CD5: variants seen among roughly 807,000 people sequenced by gnomAD.
CD5 encodes T-cell surface glycoprotein CD5.
CD5 carries 36 observed loss-of-function variants against 60.3 expected under a neutral mutation model. The observed-to-expected ratio is 0.60, with a 90% CI of 0.46 to 0.79. CD5 has a LOEUF of 0.79. Among genes scored for constraint, CD5 ranks in the 30% least tolerant of loss-of-function variants. CD5 has a pLI of 0.00. For synonymous variants in CD5, 230 were observed against 257.6 expected (o/e 0.89, Z 1.03); for missense variants, 540 against 630.6 (o/e 0.86, Z 1.54).
rs1861160762 is a variant in CD5 at position 61,127,251 on chromosome 11, C to T, written c.*966C>T. 1 of 152,238 alleles carries T rather than the reference C, an allele frequency of 6.6e-6. No homozygotes were observed. Among genetic ancestry groups the T allele is most frequent in the South Asian group, 2.1e-4 (1 of 4,832 alleles). 9.4% of individuals were successfully genotyped at this position (152,238 alleles called of 1,614,324 possible). A position where few individuals can be genotyped will look rare whatever the true frequency, so the allele number is the denominator to read the frequency against. ...ACCTAATCCCATGGGGCCTCGGCTT[C>T]CTTAACTGCAAGTGAGAAGAGGAGG... On this transcript the variant is annotated 3_prime_UTR_variant, in exon 11 of 11. Transcript: ENST00000347785.
In CD5 at chr11:61,118,114, G is replaced by T. The variant is rs1175664421; in HGVS notation, c.95-61G>T. The T allele has an allele frequency of 1.9e-6, 3 of 1,542,324 alleles. No homozygotes were observed. In the African/African-American group the frequency reaches 4.1e-5, roughly 21 times the overall value. On this transcript the variant is annotated intron_variant, in intron 2 of 10. Transcript: ENST00000347785. The surrounding 1 kb of genome is among the most constrained non-coding windows in gnomAD (Gnocchi z 4.7). ...CTGGGCGTCCTAGGGAGAGGGCAGT[G>T]AGGGGTGCCAGTGGGGAACCCCTCC...
At chr11:61,102,406 T>A, upstream of CD5, 1 of 611,536 alleles carries the variant, frequency 1.6e-6, no homozygotes. Context: ...ACTTCAAACA[T>A]GGGTGACGCA....
intron 1 of CD5, among the ~76,000 whole-genome samples, chr11:61,104,741 C>T (rs1860754260): frequency 6.6e-6 from 1 of 152,254 alleles, no homozygotes; most frequent in South Asian, 2.1e-4. Context: ...GCAAGCTTCA[C>T]AACAGCCAAT....
rs1426026848 is a variant in CD5 at position 61,119,426 on chromosome 11, G to A, written c.656G>A (p.Gly219Asp). Residue 219 changes from glycine to aspartate, a missense_variant, in exon 5 of 11, where the codon GGC becomes GAC. Transcript: ENST00000347785. Reference sequence around the variant, plus strand: ...AAGCATCTGCCAGAGACTGAGGCAGGCAGAGCCCAAGACCCAGGGGAGCCA... The same window carrying A: ...AAGCATCTGCCAGAGACTGAGGCAGACAGAGCCCAAGACCCAGGGGAGCCA... The part of the protein sequence containing the change: ...FLKHLPETEA[G>D]RAQDPGEPRE... The A allele has an allele frequency of 2.5e-6, 4 of 1,614,146 alleles. No individual in the cohort carries two copies. Among genetic ancestry groups the A allele is most frequent in the East Asian group, 2.2e-5 (1 of 44,882 alleles).
chr11:61,116,809 CACCACACACACAT>C (rs1345691734), intron 2 of CD5, among the ~76,000 whole-genome samples: 1 of 146,836 alleles, frequency 6.8e-6, no homozygotes, highest in East Asian at 2.1e-4. Context: ...ACACTACACA[CACCACACACACAT>C]ACAACACACA....
chr11:61,121,523 G>A (rs762430588), intron 5 of CD5, 88 bp from the exon 6 acceptor site: 16 of 1,171,778 alleles, frequency 1.4e-5, no homozygotes, highest in African/African-American at 6.3e-5. Flanking sequence ...CCAGGGCCCC[G>A]ATTTGCCAGT....
upstream of CD5, among the ~76,000 whole-genome samples, chr11:61,101,342 TCACACACATCAACATGGAGATCACA>T (rs1565181340): frequency 5.3e-4 from 19 of 35,668 alleles, no homozygotes; most frequent in Non-Finnish European, 9.0e-4. Flanking sequence ...GAGATCACAT[TCACACACATCAACATGGAGATCACA>T]CACACACATC....
intron 8 of CD5, among the ~76,000 whole-genome samples, chr11:61,124,279 A>T (rs1373933827): frequency 6.6e-6 from 1 of 152,180 alleles, no homozygotes; most frequent in Non-Finnish European, 1.5e-5. Flanking sequence ...GTGGATGTTA[A>T]CAGGCAGCAC....
At chr11:61,115,865 G>A (rs1452553069) in intron 2 of CD5, among the ~76,000 whole-genome samples, 1 of 152,196 alleles carries the variant, frequency 6.6e-6, no homozygotes, top group African/African-American at 2.4e-5. Flanking sequence ...TGACATCCTA[G>A]CTCCAAGCTT....
In CD5 at chr11:61,116,485, ACC is replaced by A. The variant is rs1367337258; in HGVS notation, c.94+1394_94+1395del. On this transcript the variant is annotated intron_variant, in intron 2 of 10. Transcript: ENST00000347785. ...CACACACACCGCACACCACATACAC[ACC>A]CCACACACACCACCACACCACACAC... is the stretch of plus-strand genomic sequence containing the variant. 1.5e-4 allele frequency among the ~76,000 whole-genome samples: 17 copies of A among 114,138 alleles called. No homozygotes were observed. In the East Asian group the frequency reaches 3.4e-3, roughly 23 times the overall value. 74.9% of individuals were successfully genotyped at this position (114,138 alleles called of 152,430 possible).
chr11:61,116,550 CACCA>C (rs1404170554), intron 2 of CD5, among the ~76,000 whole-genome samples: 2 of 115,826 alleles, frequency 1.7e-5, no homozygotes, highest in African/African-American at 7.4e-5. Context: ...CACACACACA[CACCA>C]CACACACCAC....
At position 61,112,131 on chromosome 11, in the gene CD5, G is replaced by A. The variant is rs147143950; in HGVS notation, c.56-2925G>A. ...TTTGGACTCCCACTCCCCACAGGTGGCACTTCAAGCTGCCTTAGCCCTCGA... is the reference window on the plus strand; with the variant it reads ...TTTGGACTCCCACTCCCCACAGGTGACACTTCAAGCTGCCTTAGCCCTCGA... On this transcript the variant is annotated intron_variant, in intron 1 of 10. Transcript: ENST00000347785. 3.7e-3 allele frequency among the ~76,000 whole-genome samples: 560 copies of A among 152,326 alleles called. 2 individuals are homozygous for A. Among genetic ancestry groups the A allele is most frequent in the Middle Eastern group, 0.017 (5 of 294 alleles).
chr11:61,102,842 G>A (rs1240966028), intron 1 of CD5, among the ~76,000 whole-genome samples: 4 of 152,186 alleles, frequency 2.6e-5, no homozygotes, highest in African/African-American at 4.8e-5. Flanking sequence ...TCTCTCATGC[G>A]CTGTTGAGAA....
intron 1 of CD5, among the ~76,000 whole-genome samples, chr11:61,114,389 A>T (rs866839630): frequency 4.8e-4 from 73 of 152,332 alleles, no homozygotes; most frequent in African/African-American, 1.7e-3. Context: ...ACTTGAGCCC[A>T]GGAGTTCAAA....
At chr11:61,105,295 G>C (rs1278474509) in intron 1 of CD5, among the ~76,000 whole-genome samples, 1 of 152,210 alleles carries the variant, frequency 6.6e-6, no homozygotes, top group Non-Finnish European at 1.5e-5. Context: ...TAGCCGATGC[G>C]ACTCTGAAAG....
intron 1 of CD5, among the ~76,000 whole-genome samples, chr11:61,107,174 G>A (rs1347467174): frequency 6.6e-6 from 1 of 152,186 alleles, no homozygotes; most frequent in African/African-American, 2.4e-5. Flanking sequence ...CGGCTCTCAT[G>A]AGAAGATGAT....
At chr11:61,111,768 C>T (rs1860858541) in intron 1 of CD5, among the ~76,000 whole-genome samples, 1 of 152,222 alleles carries the variant, frequency 6.6e-6, no homozygotes, top group Non-Finnish European at 1.5e-5. Flanking sequence ...TGGGAAAGCT[C>T]CCCGAGGGTC....
In CD5 at chr11:61,125,793, ACTC is replaced by A; in HGVS notation, c.1447_1449del (p.Ser483del). On this transcript the variant is annotated inframe_deletion, in exon 10 of 11. Transcript: ENST00000347785. ...CATCGCTCCTCCATGCAGCCTGACA[ACTC>A]CTCCGACAGTGACTATGATCTGCAT... is the stretch of plus-strand genomic sequence containing the variant. 6.2e-7 allele frequency: 1 copy of A among 1,611,178 alleles called. No homozygotes were observed. The highest frequency in any genetic ancestry group is 8.5e-7 in the Non-Finnish European group (1 of 1,178,542).
upstream of CD5, among the ~76,000 whole-genome samples, chr11:61,100,147 C>A (rs1450544403): frequency 2.3e-5 from 3 of 131,876 alleles, no homozygotes; most frequent in Admixed American, 8.0e-5. Context: ...ACATGGAGAT[C>A]ACACACACAC....
Sources: allele counts gnomAD v4.1 joint callset (sites outside exome capture counted in the v4.1 genomes callset), GRCh38; gene constraint gnomAD v4.1.1; non-coding constraint Gnocchi (gnomAD v3.1); transcripts MANE v1.5; gene names NCBI Gene and HGNC (gene_info 2026-07-23, HGNC 2026-07-21).